Variants in ZFHX3 observed in about 807,000 individuals in gnomAD.
ZFHX3 encodes zinc finger homeobox 3.
A neutral mutation model predicts 279.1 loss-of-function variants in ZFHX3; 42 were observed. That is an observed-to-expected ratio of 0.15 (90% confidence interval 0.12 to 0.19). The LOEUF is 0.19. Ranked by LOEUF, ZFHX3 falls within the 10% of genes least tolerant of loss-of-function variation. The pLI is 1.00. For synonymous variants in ZFHX3, 2,293 were observed against 1,957.8 expected (o/e 1.17, Z -4.52); for missense variants, 4,981 against 4,754.0 (o/e 1.05, Z -1.40).
At chr16:73,428,365 T>G (rs1454761957) in intron 3 of ZFHX3, among the ~76,000 whole-genome samples, 1 of 152,054 alleles carries the variant, frequency 6.6e-6, no homozygotes. Context: ...AGCTTCCCAT[T>G]CTGGCAGCCT....
Position 73,633,544 on chromosome 16 carries a change from G to C in ZFHX3, c.-1547+46636C>G, listed in dbSNP as rs547119039. 3.3e-5 allele frequency among the ~76,000 whole-genome samples: 5 copies of C among 152,334 alleles called. No individual in the cohort carries two copies. The South Asian group carries it at 1.0e-3, about 32-fold the overall frequency. On this transcript the variant is annotated intron_variant, in intron 2 of 17. Coordinates refer to the ZFHX3 transcript ENST00000641206. ...CTATTCGTAATGTTTTATTTCTTTT[G>C]CTGGGTGGTGGGTATATGCGGTTTG...
At chr16:73,031,007 T>C (rs1964679248) in intron 1 of ZFHX3, among the ~76,000 whole-genome samples, 1 of 152,188 alleles carries the variant, frequency 6.6e-6, no homozygotes, top group Non-Finnish European at 1.5e-5. Context: ...TACCTCTCCA[T>C]TCTACTGCAG....
intron 7 of ZFHX3, among the ~76,000 whole-genome samples, chr16:73,119,485 G>A (rs986238460): frequency 4.6e-5 from 7 of 152,180 alleles, no homozygotes; most frequent in Non-Finnish European, 1.5e-5. Context: ...GCCTTAGGAT[G>A]AGGGCAACAT....
chr16:73,839,055 AC>A (rs1364263537), intron 1 of ZFHX3, among the ~76,000 whole-genome samples: 1 of 152,054 alleles, frequency 6.6e-6, no homozygotes, highest in African/African-American at 2.4e-5. Flanking sequence ...GGCGGCTGCT[AC>A]TAATGTCAGT....
At chr16:72,869,163 A>G (rs1308016853) in intron 4 of ZFHX3, among the ~76,000 whole-genome samples, 1 of 152,230 alleles carries the variant, frequency 6.6e-6, no homozygotes, top group Admixed American at 6.5e-5. Flanking sequence ...AAAATGGAAA[A>G]TTAATCAAAT....
chr16:73,584,653 G>C (rs752712577), intron 2 of ZFHX3, among the ~76,000 whole-genome samples: 1 of 152,094 alleles, frequency 6.6e-6, no homozygotes, highest in African/African-American at 2.4e-5. Flanking sequence ...AGATGAAGAC[G>C]GGATAAGGTC....
intron 3 of ZFHX3, among the ~76,000 whole-genome samples, chr16:73,333,735 C>T (rs991185729): frequency 3.2e-5 from 4 of 124,646 alleles, no homozygotes; most frequent in African/African-American, 1.2e-4. Flanking sequence ...CTGCTTCAAA[C>T]AGAAACACTG....
chr16:73,157,785 G>A lies in ZFHX3; in HGVS notation c.-1103-13954C>T, dbSNP rs1306880415. Among the ~76,000 whole-genome samples, 6 of 152,198 alleles carry A rather than the reference G, an allele frequency of 3.9e-5. No individual in the cohort carries two copies. The East Asian group carries it at 5.8e-4, about 15-fold the overall frequency. ...ATTTAGTTAGTTGGCTTTTTATAAC[G>A]CCACGAGGTTTGCTGTGGGCTGCCA... On this transcript the variant is annotated intron_variant, in intron 5 of 17. Transcript: ENST00000641206.
intron 3 of ZFHX3, among the ~76,000 whole-genome samples, chr16:73,372,387 G>A (rs764617555): frequency 4.6e-5 from 7 of 152,034 alleles, no homozygotes; most frequent in East Asian, 1.9e-4. Context: ...AGAATAACAC[G>A]TTTACTACTA....
At chr16:73,730,352 CAA>C (rs66477968) in intron 1 of ZFHX3, among the ~76,000 whole-genome samples, 3,393 of 81,144 alleles carry the variant, frequency 0.042, 86 homozygotes, top group African/African-American at 0.13. Flanking sequence ...CCTCCCCTCG[CAA>C]AAAAAAAAAA....
chr16:73,434,612 T>A (rs915680597), intron 3 of ZFHX3, among the ~76,000 whole-genome samples: 3 of 1,428 alleles, frequency 2.1e-3, no homozygotes, highest in Admixed American at 0.021. Flanking sequence ...TGGATGGTGT[T>A]TTTTTTTTGT....
intron 1 of ZFHX3, among the ~76,000 whole-genome samples, chr16:73,055,512 C>T (rs1470905629): frequency 6.6e-6 from 1 of 152,142 alleles, no homozygotes; most frequent in Admixed American, 6.5e-5. Context: ...TTTATTTCCC[C>T]ATTGCAGGAT....
chr16:72,923,051 G>A (rs1372217189), intron 3 of ZFHX3, among the ~76,000 whole-genome samples: 1 of 152,182 alleles, frequency 6.6e-6, no homozygotes, highest in East Asian at 1.9e-4. Flanking sequence ...ACACATCAGA[G>A]TATATGTGTA....
chr16:73,566,687 AC>A (rs2020455065), intron 2 of ZFHX3, among the ~76,000 whole-genome samples: 1 of 130,578 alleles, frequency 7.7e-6, no homozygotes, highest in Non-Finnish European at 1.6e-5. Context: ...CACCAAGCTA[AC>A]TTTTTTTTTT....
chr16:73,004,135 A>G (rs1963608605), intron 1 of ZFHX3, among the ~76,000 whole-genome samples: 2 of 140,986 alleles, frequency 1.4e-5, no homozygotes, highest in African/African-American at 5.1e-5. Flanking sequence ...TGTTTACCAC[A>G]ATAATAACTA....
intron 2 of ZFHX3, among the ~76,000 whole-genome samples, chr16:73,463,037 C>G (rs1288781518): frequency 6.6e-6 from 1 of 152,142 alleles, no homozygotes; most frequent in African/African-American, 2.4e-5. Context: ...TTCTGATACT[C>G]CAACTCCCCT....
rs759463798 is a variant in ZFHX3, at chr16:72,794,563, C to T, written c.8119G>A (p.Ala2707Thr). Residue 2707 changes from alanine to threonine, a missense_variant, in exon 9 of 10, where the codon GCG (alanine) becomes ACG (threonine). Physicochemically the swap from Ala to Thr is moderately conservative, Grantham distance 58 (BLOSUM62 0). Coordinates refer to ENST00000268489, the MANE Select transcript of ZFHX3 (RefSeq NM_006885.4). This position sits in a 1 kb window ranked among gnomAD's most constrained non-coding sequence, Gnocchi z 4.2. ...AAAGGGCATCTCCTGTGGGCCTGCG[C>T]TGGGCCTACAGCCCGGAACTGTCCT... ...RKGQFRAVGP[A>T]QAHRRCPFCR... 1 of 1,614,250 alleles carries T rather than the reference C, an allele frequency of 6.2e-7. No individual in the cohort carries two copies. Among genetic ancestry groups the T allele is most frequent in the East Asian group, 2.2e-5 (1 of 44,878 alleles).
intron 5 of ZFHX3, among the ~76,000 whole-genome samples, chr16:73,228,619 C>A (rs2012676793): frequency 2.0e-5 from 3 of 152,162 alleles, no homozygotes; most frequent in African/African-American, 7.2e-5. Context: ...GTTGTGACTG[C>A]ACCATTGTAC....
chr16:72,934,950 A>G (rs1960040510), intron 3 of ZFHX3, among the ~76,000 whole-genome samples: 1 of 152,252 alleles, frequency 6.6e-6, no homozygotes. Context: ...TGCTGTGAGT[A>G]CAACCAGCAT....
Sources: allele counts gnomAD v4.1 joint callset (sites outside exome capture counted in the v4.1 genomes callset), GRCh38; gene constraint gnomAD v4.1.1; non-coding constraint Gnocchi (gnomAD v3.1); transcripts MANE v1.5; gene names NCBI Gene and HGNC (gene_info 2026-07-23, HGNC 2026-07-21).